The following B3GALT1 variants were observed in gnomAD, a reference collection of about 807,000 sequenced individuals.
B3GALT1 encodes UDP-Gal:betaGlcNAc beta 1,3-galactosyltransferase, polypeptide 1.
A neutral mutation model predicts 23.2 loss-of-function variants in B3GALT1; 10 were observed. The ratio of observed to expected loss-of-function variants is 0.43; its 90% confidence interval spans 0.27 to 0.73. The LOEUF (loss-of-function observed/expected upper bound fraction) is 0.73. Among genes scored for constraint, B3GALT1 ranks in the 30% least tolerant of loss-of-function variants. The pLI is 0.21. For missense variants in B3GALT1, 299 were observed against 405.4 expected (o/e 0.74, Z 2.25); for synonymous variants, 156 against 141.5 (o/e 1.10, Z -0.73).
chr2:167,442,274 A>G (rs1388921206), intron 1 of B3GALT1, among the ~76,000 whole-genome samples: 1 of 152,076 alleles, frequency 6.6e-6, no homozygotes, highest in African/African-American at 2.4e-5. Flanking sequence ...AATCCAGTCT[A>G]TCATTGTTGG....
chr2:167,665,012 T>G (rs1257025832), intron 3 of B3GALT1, among the ~76,000 whole-genome samples: 103 of 151,578 alleles, frequency 6.8e-4, no homozygotes, highest in South Asian at 4.0e-3. Flanking sequence ...GAATAGGAGT[T>G]GTGAGAGAGG....
At chr2:167,850,119 G>T (rs933255318) in intron 4 of B3GALT1, among the ~76,000 whole-genome samples, 10 of 152,184 alleles carry the variant, frequency 6.6e-5, no homozygotes, top group African/African-American at 2.4e-4. Context: ...CCCACAGGGT[G>T]GGAGAAAATC....
intron 3 of B3GALT1, among the ~76,000 whole-genome samples, chr2:167,702,186 A>C (rs994063915): frequency 6.6e-6 from 1 of 152,210 alleles, no homozygotes; most frequent in Non-Finnish European, 1.5e-5. Flanking sequence ...TCAGTATCCC[A>C]ACATGCCAAA....
intron 2 of B3GALT1, among the ~76,000 whole-genome samples, chr2:167,510,110 A>T (rs1399923192): frequency 1.3e-5 from 2 of 152,174 alleles, no homozygotes; most frequent in African/African-American, 4.8e-5. Flanking sequence ...CTTACCCAAT[A>T]TCAAATTTGC....
At chr2:167,377,445 A>G (rs1300726029) in intron 1 of B3GALT1, among the ~76,000 whole-genome samples, 1 of 152,082 alleles carries the variant, frequency 6.6e-6, no homozygotes, top group Non-Finnish European at 1.5e-5. Flanking sequence ...GTCCCCCACT[A>G]TTATTGTGTG....
chr2:167,663,056 A>C (rs1368705965), intron 3 of B3GALT1, among the ~76,000 whole-genome samples: 5 of 151,574 alleles, frequency 3.3e-5, no homozygotes, highest in East Asian at 3.9e-4. Flanking sequence ...TGCACTGCAC[A>C]CACTAACTCA....
chr2:167,419,325 G>A (rs1188766416), intron 1 of B3GALT1, among the ~76,000 whole-genome samples: 1 of 152,190 alleles, frequency 6.6e-6, no homozygotes, highest in South Asian at 2.1e-4. Flanking sequence ...TTTAATCACT[G>A]CCCTTAAAAT....
At chr2:167,522,090 T>C (rs955275202) in intron 2 of B3GALT1, among the ~76,000 whole-genome samples, 1 of 150,608 alleles carries the variant, frequency 6.6e-6, no homozygotes, top group Non-Finnish European at 1.5e-5. Flanking sequence ...TAGGAATTAC[T>C]GATATGGCCA....
chr2:167,696,201 A>C (rs956153519), intron 3 of B3GALT1, among the ~76,000 whole-genome samples: 6 of 150,744 alleles, frequency 4.0e-5, no homozygotes, highest in African/African-American at 1.2e-4. Flanking sequence ...AGTTGGACAG[A>C]GTAACATAAA....
rs188805476 is a variant in B3GALT1 at position 167,360,249 on chromosome 2, T to C, written c.-511+66915T>C. On this transcript the variant is annotated intron_variant, in intron 1 of 4. Coordinates refer to ENST00000392690, the MANE Select transcript of B3GALT1 (RefSeq NM_020981.4). ...GGAATCTGTAGGTTAGGAACTGTTA[T>C]ATTCTGCCAGTTCAGCCAAGTGTAT... Among the ~76,000 whole-genome samples the C allele has an allele frequency of 5.3e-3, 808 of 152,328 alleles. 4 individuals are homozygous for C. Among genetic ancestry groups the C allele is most frequent in the Middle Eastern group, 0.01 (3 of 294 alleles).
intron 1 of B3GALT1, among the ~76,000 whole-genome samples, chr2:167,440,645 GT>G (rs1232812046): frequency 6.6e-6 from 1 of 150,910 alleles, no homozygotes; most frequent in Admixed American, 6.6e-5. Flanking sequence ...ATGTCCAAGT[GT>G]TTTTTTTAAT....
chr2:167,639,043 C>T (rs1163998165), intron 2 of B3GALT1, among the ~76,000 whole-genome samples: 1 of 151,992 alleles, frequency 6.6e-6, no homozygotes, highest in Non-Finnish European at 1.5e-5. Flanking sequence ...CAAGTTTGAA[C>T]TTCTAATTAA....
At chr2:167,537,081 G>C (rs975435108) in intron 2 of B3GALT1, among the ~76,000 whole-genome samples, 1 of 152,116 alleles carries the variant, frequency 6.6e-6, no homozygotes, top group Admixed American at 6.5e-5. Flanking sequence ...ATTTATAAAG[G>C]AAAGAGGTTT....
At chr2:167,408,518 A>G (rs1698343832) in intron 1 of B3GALT1, among the ~76,000 whole-genome samples, 1 of 152,184 alleles carries the variant, frequency 6.6e-6, no homozygotes, top group African/African-American at 2.4e-5. Flanking sequence ...TGCTGGCCAG[A>G]GCAATTAGTC....
chr2:167,820,747 C>T (rs1172041508), intron 4 of B3GALT1, among the ~76,000 whole-genome samples: 1 of 152,160 alleles, frequency 6.6e-6, no homozygotes, highest in Non-Finnish European at 1.5e-5. Flanking sequence ...GGCTTTAAGA[C>T]AAAAAGCGTT....
At chr2:167,773,414 G>A (rs112535286) in intron 3 of B3GALT1, among the ~76,000 whole-genome samples, 4 of 151,954 alleles carry the variant, frequency 2.6e-5, no homozygotes, top group Non-Finnish European at 4.4e-5. Context: ...CTTCTAAATG[G>A]TTTACTATAA....
At chr2:167,430,014 A>C (rs1012075643) in intron 1 of B3GALT1, among the ~76,000 whole-genome samples, 1 of 152,236 alleles carries the variant, frequency 6.6e-6, no homozygotes, top group African/African-American at 2.4e-5. Context: ...GGAGAGGCAG[A>C]TAACAGACAA....
At chr2:167,720,804 TA>T (rs1687219418) in intron 3 of B3GALT1, among the ~76,000 whole-genome samples, 1 of 152,198 alleles carries the variant, frequency 6.6e-6, no homozygotes, top group African/African-American at 2.4e-5. Context: ...TTGGTTTGGT[TA>T]ATTGTTTACT....
chr2:167,482,976 T>A (rs895901591), intron 1 of B3GALT1, among the ~76,000 whole-genome samples: 5 of 152,206 alleles, frequency 3.3e-5, no homozygotes, highest in African/African-American at 1.2e-4. Context: ...TTTTGCTATC[T>A]CTGTTCTTTT....
Sources: allele counts gnomAD v4.1 joint callset (sites outside exome capture counted in the v4.1 genomes callset), GRCh38; gene constraint gnomAD v4.1.1; transcripts MANE v1.5; gene names NCBI Gene and HGNC (gene_info 2026-07-23, HGNC 2026-07-21).